Variants in PROX1 observed in about 807,000 individuals in gnomAD.
The protein encoded by PROX1 is prospero homeobox 1.
Under a neutral mutation model 58.8 loss-of-function variants are expected in PROX1, and 7 were observed. That is an observed-to-expected ratio of 0.12 (90% confidence interval 0.07 to 0.22). The LOEUF (loss-of-function observed/expected upper bound fraction) is 0.22. Among genes scored for constraint, PROX1 ranks in the 10% least tolerant of loss-of-function variants. The probability of loss-of-function intolerance (pLI) is 1.00; values close to 1 mark genes in which losing one functional copy is unlikely to be tolerated. For missense variants in PROX1, 675 were observed against 927.8 expected (o/e 0.73, Z 3.54); for synonymous variants, 350 against 358.3 (o/e 0.98, Z 0.26).
chr1:214,020,280 A>G (rs1029651693), intron 4 of PROX1, among the ~76,000 whole-genome samples: 55 of 151,838 alleles, frequency 3.6e-4, no homozygotes, highest in Admixed American at 2.6e-4. Flanking sequence ...CATTTTACCA[A>G]TTTTCTGAAA....
chr1:214,018,096 T>C (rs1664157251), intron 4 of PROX1, among the ~76,000 whole-genome samples: 1 of 152,210 alleles, frequency 6.6e-6, no homozygotes, highest in African/African-American at 2.4e-5. Context: ...TTATTTCGCC[T>C]AGATGAAACA....
chr1:214,021,350 G>A (rs1664272396), intron 4 of PROX1, among the ~76,000 whole-genome samples: 2 of 151,840 alleles, frequency 1.3e-5, no homozygotes, highest in East Asian at 3.9e-4. Flanking sequence ...GAACTCCACA[G>A]GGATAGCCCT....
intron 4 of PROX1, among the ~76,000 whole-genome samples, chr1:214,028,393 G>A (rs79313295): frequency 0.01 from 1,532 of 152,208 alleles, 36 homozygotes; most frequent in African/African-American, 0.035. Flanking sequence ...AGAAGTACAC[G>A]TATCCATTCA....
chr1:214,003,962 T>TTTTGTGTG (rs1553289681), intron 2 of PROX1, among the ~76,000 whole-genome samples: 1 of 113,412 alleles, frequency 8.8e-6, no homozygotes, highest in African/African-American at 3.1e-5. Flanking sequence ...TGTTGGGTAG[T>TTTTGTGTG]TGTGTGAGTG....
intron 4 of PROX1, among the ~76,000 whole-genome samples, chr1:214,026,492 AT>A (rs1664462534): frequency 6.6e-6 from 1 of 152,210 alleles, no homozygotes; most frequent in South Asian, 2.1e-4. Flanking sequence ...ATAATTTAAA[AT>A]GTATGCACAA....
chr1:213,993,868 A>T (rs146961862), intron 1 of PROX1, among the ~76,000 whole-genome samples: 1 of 152,354 alleles, frequency 6.6e-6, no homozygotes, highest in African/African-American at 2.4e-5. Context: ...CTTTTAGCCC[A>T]AGACAGATAC....
chr1:213,997,675 T>C lies in PROX1; in HGVS notation c.1140T>C (p.Pro380=), dbSNP rs752351906. Residue 380 remains proline (P), a synonymous_variant, in exon 2 of 5, where the codon CCT becomes CCC. Transcript: ENST00000366958. The surrounding 1 kb of genome is among the most constrained non-coding windows in gnomAD (Gnocchi z 7.1). ...VFSAKPSRQV[P]QVFPPLQIPQ... ...CGGCCAAGCCCTCCCGCCAGGTTCC[T>C]CAGGTCTTCCCACCTCTCCAGATCC... 8 of 1,614,212 alleles carry C rather than the reference T, an allele frequency of 5.0e-6. No homozygotes were observed. Among genetic ancestry groups the C allele is most frequent in the Non-Finnish European group, 6.8e-6 (8 of 1,180,046 alleles).
rs753354560 is a variant in PROX1, at chr1:213,997,514, C to A, written c.979C>A (p.Arg327=). The A allele has an allele frequency of 8.7e-6, 14 of 1,613,978 alleles. No individual in the cohort carries two copies. In the South Asian group the frequency reaches 1.4e-4, roughly 16 times the overall value. ...EQEMAENKPK[R]EGNNKERDHG... ...GGAAATGGCTGAAAACAAGCCGAAG[C>A]GAGAAGGCAACAACAAAGAAAGAGA... Residue 327 remains arginine, a synonymous_variant, in exon 2 of 5, where the codon CGA becomes AGA. Coordinates refer to ENST00000366958, the MANE Select transcript of PROX1 (RefSeq NM_001270616.2). This position sits in a 1 kb window ranked among gnomAD's most constrained non-coding sequence, Gnocchi z 7.1.
At chr1:213,994,060 C>T (rs1218295440) in intron 1 of PROX1, among the ~76,000 whole-genome samples, 3 of 152,258 alleles carry the variant, frequency 2.0e-5, no homozygotes, top group African/African-American at 7.2e-5. Flanking sequence ...CTGTTGATAC[C>T]TAGGCTAGAT....
At chr1:214,011,488 G>A in intron 3 of PROX1, 33 bp from the exon 4 acceptor site, 1 of 1,561,942 alleles carries the variant, frequency 6.4e-7, no homozygotes, top group Non-Finnish European at 8.8e-7. Flanking sequence ...AAATGGCAAT[G>A]TTCTTATCCT....
intron 3 of PROX1, 98 bp downstream of exon 3, chr1:214,005,370 A>AAGCACAAGGAC: frequency 1.1e-6 from 1 of 907,248 alleles, no homozygotes; most frequent in Non-Finnish European, 1.7e-6. Context: ...GAATTGGTTT[A>AAGCACAAGGAC]TTCCTACACC....
chr1:214,016,754 AG>A (rs1165778173), intron 4 of PROX1, among the ~76,000 whole-genome samples: 1 of 152,160 alleles, frequency 6.6e-6, no homozygotes, highest in Non-Finnish European at 1.5e-5. Context: ...TTGAAGGGCT[AG>A]GGGGTGGAGT....
rs538622764 is a variant in PROX1, at chr1:214,032,532, C to T, written c.2029-3117C>T. On this transcript the variant is annotated intron_variant, in intron 4 of 4. Coordinates refer to ENST00000366958, the MANE Select transcript of PROX1 (RefSeq NM_001270616.2). Reference sequence around the variant, plus strand: ...ACCTCCACCTCCCAGTAGCTGGGACCACAGGCATGTGCCACCACACCCAGC... The same window carrying T: ...ACCTCCACCTCCCAGTAGCTGGGACTACAGGCATGTGCCACCACACCCAGC... Among the ~76,000 whole-genome samples, 10 of 152,144 alleles carry T rather than the reference C, an allele frequency of 6.6e-5. No homozygotes were observed. In the East Asian group the frequency reaches 1.9e-3, roughly 29 times the overall value.
chr1:214,034,763 G>A (rs1189707619), intron 4 of PROX1, among the ~76,000 whole-genome samples: 3 of 152,072 alleles, frequency 2.0e-5, no homozygotes, highest in African/African-American at 4.8e-5. Flanking sequence ...AATATTTGGG[G>A]AATGTTTATT....
intron 4 of PROX1, chr1:214,029,647 C>G (rs1184925948): frequency 3.9e-5 from 6 of 152,184 alleles, no homozygotes; most frequent in Non-Finnish European, 8.8e-5. Context: ...AACTCTACTA[C>G]TGTATATGAA....
chr1:213,993,643 A>G (rs1663116989), intron 1 of PROX1, among the ~76,000 whole-genome samples: 2 of 152,218 alleles, frequency 1.3e-5, no homozygotes, highest in Non-Finnish European at 2.9e-5. Context: ...AATCATGCCT[A>G]TAGCTTCCAT....
rs1336546538 is a variant in PROX1 at position 214,040,720 on chromosome 1, G to A, written c.*4886G>A. 2 of 151,918 alleles carry A rather than the reference G, an allele frequency of 1.3e-5. No homozygotes were observed. The highest frequency in any genetic ancestry group is 2.9e-5 in the Non-Finnish European group (2 of 67,968). The allele number at this position is 151,918 out of a possible 1,614,324, so 9.4% of individuals were successfully genotyped here. ...ATAAAGACCCTTTGATTTGAATATA[G>A]TACAATAACTGAACTGATAAAGTCA... On this transcript the variant is annotated 3_prime_UTR_variant, in exon 5 of 5. Transcript: ENST00000366958.
chr1:213,998,215 C>G lies in PROX1; in HGVS notation c.1680C>G (p.Gly560=), dbSNP rs749068692. ...LSLSLIKSEC[G]DLQDMSEISP... is the part of the protein sequence containing the mutation. Reference sequence around the variant, plus strand: ...TGTCGCTCATAAAGTCCGAGTGCGGCGATCTTCAAGATATGTCTGAAATAT... The same window carrying G: ...TGTCGCTCATAAAGTCCGAGTGCGGGGATCTTCAAGATATGTCTGAAATAT... Residue 560 remains glycine, a synonymous_variant, in exon 2 of 5, where the codon GGC becomes GGG. Coordinates refer to ENST00000366958, the MANE Select transcript of PROX1 (RefSeq NM_001270616.2). The G allele has an allele frequency of 8.1e-6, 13 of 1,600,798 alleles. No individual in the cohort carries two copies. The highest frequency in any genetic ancestry group is 9.4e-6 in the Non-Finnish European group (11 of 1,173,740).
chr1:213,994,769 ATATATAT>A (rs1663184969), intron 1 of PROX1, among the ~76,000 whole-genome samples: 1 of 31,732 alleles, frequency 3.2e-5, no homozygotes, highest in Non-Finnish European at 6.2e-5. Context: ...ATATATATAT[ATATATAT>A]ATATATATAT....
Sources: gnomAD v4.1 joint callset for allele counts (sites outside exome capture counted in the v4.1 genomes callset) on GRCh38, gnomAD v4.1.1 for gene constraint, Gnocchi (gnomAD v3.1) non-coding constraint, MANE v1.5 for transcripts, NCBI Gene and HGNC (gene_info 2026-07-23, HGNC 2026-07-21) for gene names.